SHISA6: variants seen among roughly 807,000 people sequenced by gnomAD.
SHISA6 encodes protein shisa-6.
Under a neutral mutation model 47.9 loss-of-function variants are expected in SHISA6, and 22 were observed. That is an observed-to-expected ratio of 0.46 (90% CI 0.33 to 0.66). The LOEUF (loss-of-function observed/expected upper bound fraction) is 0.66. Among genes scored for constraint, SHISA6 ranks in the 30% least tolerant of loss-of-function variants. The pLI is 0.02. For synonymous variants in SHISA6, 388 were observed against 337.8 expected, an observed-to-expected ratio of 1.15 and a Z score of -1.63; for missense variants, 680 against 764.6, an observed-to-expected ratio of 0.89 and a Z score of 1.30.
chr17:11,363,015 C>T (rs1005877397), intron 2 of SHISA6, among the ~76,000 whole-genome samples: 3 of 152,174 alleles, frequency 2.0e-5, no homozygotes, highest in African/African-American at 7.2e-5. Flanking sequence ...CCCTCTGCCT[C>T]CTAGCATGTC....
chr17:11,513,126 CTTTA>C (rs1294243494), intron 3 of SHISA6, among the ~76,000 whole-genome samples: 4 of 151,486 alleles, frequency 2.6e-5, no homozygotes, highest in East Asian at 3.9e-4. Flanking sequence ...GTGCTATTTT[CTTTA>C]TTTATGATAT....
Position 11,561,270 on chromosome 17 carries a change from C to T in SHISA6, c.*2966C>T, listed in dbSNP as rs970104813. On this transcript the variant is annotated 3_prime_UTR_variant, in exon 6 of 6. Coordinates refer to ENST00000441885, the MANE Select transcript of SHISA6 (RefSeq NM_207386.4). ...GAAGCCTAAAGCCCAAGATTTCCCT[C>T]TCCTTGTTTTATTCATTTTTGCACA... 5 of 152,374 alleles carry T rather than the reference C, an allele frequency of 3.3e-5. No individual in the cohort carries two copies. Among genetic ancestry groups the T allele is most frequent in the African/African-American group, 1.2e-4 (5 of 41,470 alleles). The allele number at this position is 152,374 out of a possible 1,614,324, so 9.4% of individuals were successfully genotyped here. A position where few individuals can be genotyped will look rare whatever the true frequency, so the allele number is the denominator to read the frequency against.
chr17:11,384,254 G>A (rs532325448), intron 3 of SHISA6, among the ~76,000 whole-genome samples: 1 of 152,344 alleles, frequency 6.6e-6, no homozygotes, highest in Admixed American at 6.5e-5. Context: ...GAGCAGCTGA[G>A]GTGGTGGATG....
chr17:11,315,502 A>C (rs765105690), intron 2 of SHISA6, among the ~76,000 whole-genome samples: 1 of 152,174 alleles, frequency 6.6e-6, no homozygotes. Flanking sequence ...CCTTATAGAA[A>C]TGTCTTCTGG....
chr17:11,413,884 G>A (rs1914206965), intron 3 of SHISA6, among the ~76,000 whole-genome samples: 1 of 152,176 alleles, frequency 6.6e-6, no homozygotes, highest in Non-Finnish European at 1.5e-5. Flanking sequence ...GCGCTGCGCA[G>A]TCACAGTGAA....
intron 3 of SHISA6, among the ~76,000 whole-genome samples, chr17:11,424,525 T>C (rs1000845939): frequency 3.3e-5 from 5 of 151,516 alleles, no homozygotes; most frequent in Non-Finnish European, 5.9e-5. Flanking sequence ...ATATGTACAA[T>C]ACTATTGGCC....
intron 3 of SHISA6, among the ~76,000 whole-genome samples, chr17:11,451,623 G>T (rs1319926279): frequency 6.6e-6 from 1 of 152,186 alleles, no homozygotes; most frequent in Non-Finnish European, 1.5e-5. Flanking sequence ...GTCCACAGAG[G>T]CGACATTGGA....
intron 3 of SHISA6, among the ~76,000 whole-genome samples, chr17:11,461,179 C>T (rs965940711): frequency 2.0e-5 from 3 of 152,108 alleles, no homozygotes; most frequent in African/African-American, 7.2e-5. Flanking sequence ...AGGCGGATCA[C>T]GAGGTCAGGA....
At chr17:11,541,325 A>C (rs1367533938) in intron 3 of SHISA6, among the ~76,000 whole-genome samples, 1 of 152,184 alleles carries the variant, frequency 6.6e-6, no homozygotes, top group Non-Finnish European at 1.5e-5. Flanking sequence ...CCAGTTTGGG[A>C]AACAGCATCC....
chr17:11,263,593 C>G (rs976940838), intron 2 of SHISA6, 67 bp downstream of exon 2: 24 of 1,529,632 alleles, frequency 1.6e-5, no homozygotes, highest in Non-Finnish European at 2.1e-5. Context: ...TGTTTCTGCT[C>G]TGGTGGGGCA....
At chr17:11,417,409 C>G (rs1419459126) in intron 3 of SHISA6, among the ~76,000 whole-genome samples, 2 of 152,194 alleles carry the variant, frequency 1.3e-5, no homozygotes, top group Non-Finnish European at 2.9e-5. Context: ...ACCATCCTCA[C>G]TGGCAATGCA....
intron 3 of SHISA6, among the ~76,000 whole-genome samples, chr17:11,384,538 T>A (rs982956818): frequency 6.6e-6 from 1 of 152,226 alleles, no homozygotes; most frequent in African/African-American, 2.4e-5. Context: ...TTTTTGAGCC[T>A]GGTTGAAAAA....
In SHISA6 at chr17:11,559,957, A is replaced by G. The variant is rs761049772; in HGVS notation, c.*1653A>G. On this transcript the variant is annotated 3_prime_UTR_variant, in exon 6 of 6. Transcript: ENST00000441885. This position sits in a 1 kb window ranked among gnomAD's most constrained non-coding sequence, Gnocchi z 4.4. ...GGGCTGGGGGAATCAACTCCAGGCT[A>G]TTGGGTGAAGGTGTGATCCTAAAAA... 1.3e-5 allele frequency: 2 copies of G among 152,212 alleles called. No individual in the cohort carries two copies. Among genetic ancestry groups the G allele is most frequent in the Non-Finnish European group, 2.9e-5 (2 of 68,078 alleles). 9.4% of individuals were successfully genotyped at this position (152,212 alleles called of 1,614,324 possible). A position where few individuals can be genotyped will look rare whatever the true frequency, so the allele number is the denominator to read the frequency against.
chr17:11,457,887 C>G (rs1317051339), intron 3 of SHISA6, among the ~76,000 whole-genome samples: 2 of 151,872 alleles, frequency 1.3e-5, no homozygotes, highest in African/African-American at 4.8e-5. Flanking sequence ...AGATTGAGAC[C>G]ATCCTGGCTA....
intron 3 of SHISA6, among the ~76,000 whole-genome samples, chr17:11,422,763 CAA>C (rs36035486): frequency 2.7e-3 from 337 of 125,358 alleles, no homozygotes; most frequent in African/African-American, 5.0e-3. Context: ...GACTCTGTCT[CAA>C]AAAAAAAAAA....
chr17:11,416,685 A>G (rs1201627930), intron 3 of SHISA6, among the ~76,000 whole-genome samples: 1 of 152,200 alleles, frequency 6.6e-6, no homozygotes, highest in Non-Finnish European at 1.5e-5. Context: ...TATTCATTAT[A>G]TTCTTTATGT....
chr17:11,346,608 A>G (rs1172282566), intron 2 of SHISA6, among the ~76,000 whole-genome samples: 4 of 152,244 alleles, frequency 2.6e-5, no homozygotes, highest in Non-Finnish European at 5.9e-5. Context: ...ATCAATCAGT[A>G]CATGAGTATT....
chr17:11,333,321 T>A (rs931114324), intron 2 of SHISA6, among the ~76,000 whole-genome samples: 2 of 152,116 alleles, frequency 1.3e-5, no homozygotes, highest in African/African-American at 4.8e-5. Flanking sequence ...TGGAATTTTC[T>A]GAGTGATAGG....
intron 3 of SHISA6, among the ~76,000 whole-genome samples, chr17:11,498,992 G>A (rs2071429227): frequency 6.6e-6 from 1 of 151,712 alleles, no homozygotes; most frequent in Non-Finnish European, 1.5e-5. Flanking sequence ...AGGCAGAGGT[G>A]GAAGCTGCAG....
Sources: allele counts gnomAD v4.1 joint callset (sites outside exome capture counted in the v4.1 genomes callset), GRCh38; gene constraint gnomAD v4.1.1; non-coding constraint Gnocchi (gnomAD v3.1); transcripts MANE v1.5; gene names NCBI Gene and HGNC (gene_info 2026-07-23, HGNC 2026-07-21).